The following IL13RA2 variants were observed in gnomAD, a reference collection of about 807,000 sequenced individuals.
IL13RA2 encodes interleukin 13 receptor subunit alpha 2, also known as interleukin-13 receptor subunit alpha-2.
In IL13RA2, 25 loss-of-function variants were observed where a neutral mutation model predicts 34.1. The ratio of observed to expected loss-of-function variants is 0.73; its 90% CI spans 0.53 to 1.03. The LOEUF (loss-of-function observed/expected upper bound fraction) is 1.03. IL13RA2 is among the 50% of genes least tolerant of loss of function. The pLI is 0.00. For synonymous variants in IL13RA2, 106 were observed against 100.4 expected, an observed-to-expected ratio of 1.06 and a Z score of -0.33; for missense variants, 297 against 280.9, an observed-to-expected ratio of 1.06 and a Z score of -0.41.
chrX:115,014,348 T>A, intron 4 of IL13RA2, 73 bp downstream of exon 4: 1 of 794,811 alleles, frequency 1.3e-6, no homozygotes, highest in Non-Finnish European at 1.8e-6. Context: ...GCCTGGTACA[T>A]AAGATTAAGG....
intron 7 of IL13RA2, among the ~76,000 whole-genome samples, chrX:115,009,099 C>G (rs1169065553): frequency 9.0e-6 from 1 of 111,437 alleles, no homozygotes; most frequent in Admixed American, 9.6e-5. Context: ...CAACCATTGC[C>G]TAATTCCCCA....
At chrX:115,012,779 A>AAC (rs1170986885) in intron 5 of IL13RA2, among the ~76,000 whole-genome samples, 7 of 86,776 alleles carry the variant, frequency 8.1e-5, no homozygotes, top group African/African-American at 2.8e-4. Context: ...CAAACAAACA[A>AAC]AAAAAAAAAC....
intron 2 of IL13RA2, 137 bp from the exon 3 acceptor site, chrX:115,015,958 T>C (rs1220196240): frequency 2.2e-6 from 1 of 459,355 alleles, no homozygotes; most frequent in African/African-American, 2.4e-5. Context: ...TCAAATATTA[T>C]TCAGCCATAA....
In IL13RA2 at chrX:115,017,207, G is replaced by T; in HGVS notation, c.63C>A (p.Gly21=). 1.0e-6 allele frequency: 1 copy of T among 959,189 alleles called. No individual in the cohort carries two copies. The highest frequency in any genetic ancestry group is 1.5e-6 in the Non-Finnish European group (1 of 670,088). The allele number at this position is 959,189 out of a possible 1,213,427, so 79.0% of individuals were successfully genotyped here. Residue 21 remains glycine, a synonymous_variant, in exon 2 of 10, where the codon GGC becomes GGA. Transcript: ENST00000243213. ...LYTFLISTTF[G]CTSSSDTEIK... is the part of the protein sequence containing the mutation. ...TCTCGGTGTCTGAAGATGAAGTACA[G>T]CCAAATGTTGTGCTTATCAGAAAGG...
intron 9 of IL13RA2, among the ~76,000 whole-genome samples, chrX:115,004,982 G>A (rs1381495913): frequency 1.8e-5 from 2 of 112,326 alleles, no homozygotes; most frequent in African/African-American, 6.5e-5. Flanking sequence ...GTTTGATTTC[G>A]ACAAAAGTAA....
In IL13RA2 at chrX:115,014,490, A is replaced by G. The variant is rs17095919; in HGVS notation, c.331T>C (p.Trp111Arg). The change falls in exon 4 of 10, where the codon TGG becomes CGG. Residue 111 changes from tryptophan (W) to arginine (R), a missense_variant. Transcript: ENST00000243213. ...ACTTCTGATCCATTTGTGCATTGCC[A>G]TGGTAAAAGCGTGTGTATCTTCGCT... ...IEAKIHTLLP[W>R]QCTNGSEVQS... is the part of the protein sequence containing the mutation. The G allele has an allele frequency of 2.1e-3, 2,533 of 1,191,933 alleles. 26 individuals carry two copies. The African/African-American group carries it at 0.032, about 15-fold the overall frequency.
At position 115,005,218 on chromosome X, in the gene IL13RA2, C is replaced by T. The variant is rs2071680460; in HGVS notation, c.1095G>A (p.Lys365=). 2 of 1,032,497 alleles carry T rather than the reference C, an allele frequency of 1.9e-6. 1 individual carries two copies. The highest frequency in any genetic ancestry group is 3.8e-5 in the South Asian group (2 of 53,219). The allele number at this position is 1,032,497 out of a possible 1,213,427, so 85.1% of individuals were successfully genotyped here. ...TTACCATTTTTGGGTAGGTGTTTGG[C>T]TTACGCAAAAGCAGACCGGTTACAA... ...VIFVTGLLLR[K]PNTYPKMIPE... is the part of the protein sequence containing the mutation. The change falls in exon 9 of 10, where the codon AAG becomes AAA. Residue 365 remains lysine, a synonymous_variant. Coordinates refer to ENST00000243213, the MANE Select transcript of IL13RA2 (RefSeq NM_000640.3).
chrX:115,005,042 AT>A, intron 9 of IL13RA2, 154 bp downstream of exon 9: 1 of 405,397 alleles, frequency 2.5e-6, no homozygotes, highest in Non-Finnish European at 4.3e-6. Flanking sequence ...AAATTGCTGT[AT>A]TTTCTGAAGA....
At chrX:115,005,167 G>A in intron 9 of IL13RA2, 30 bp downstream of exon 9, 1 of 661,949 alleles carries the variant, frequency 1.5e-6, no homozygotes, top group Non-Finnish European at 2.5e-6. Flanking sequence ...CCTATTCTCA[G>A]GCTAAACATC....
chrX:115,016,782 T>C lies in IL13RA2; in HGVS notation c.94+394A>G, dbSNP rs186570677. Among the ~76,000 whole-genome samples, 191 of 108,633 alleles carry C rather than the reference T, an allele frequency of 1.8e-3. 2 individuals are homozygous for C. The East Asian group carries it at 0.026, about 15-fold the overall frequency. The allele number at this position is 108,633 out of a possible 115,157, so 94.3% of individuals were successfully genotyped here. On this transcript the variant is annotated intron_variant, in intron 2 of 9. Coordinates refer to ENST00000243213, the MANE Select transcript of IL13RA2 (RefSeq NM_000640.3). Reference sequence around the variant, plus strand: ...ATTTTTAAATTTTACGTTAAATTTCTGTACCTTTTTAATGTATCTAATTGT... The same window carrying C: ...ATTTTTAAATTTTACGTTAAATTTCCGTACCTTTTTAATGTATCTAATTGT...
rs782165221 is a variant in IL13RA2, at chrX:115,017,238, A to G, written c.32T>C (p.Leu11Ser). The part of the protein sequence containing the change: MAFVCLAIGC[L>S]YTFLISTTFG... Reference sequence around the variant, plus strand: ...TGTTGTGCTTATCAGAAAGGTATATAAGCATCCGATAGCCAAGCAAACGAA... The same window carrying G: ...TGTTGTGCTTATCAGAAAGGTATATGAGCATCCGATAGCCAAGCAAACGAA... Residue 11 changes from leucine to serine, a missense_variant, in exon 2 of 10, where the codon TTA becomes TCA. Coordinates refer to ENST00000243213, the MANE Select transcript of IL13RA2 (RefSeq NM_000640.3). 4 of 1,009,861 alleles carry G rather than the reference A, an allele frequency of 4.0e-6. No individual in the cohort carries two copies. Among genetic ancestry groups the G allele is most frequent in the African/African-American group, 1.9e-5 (1 of 53,093 alleles). The allele number at this position is 1,009,861 out of a possible 1,213,427, so 83.2% of individuals were successfully genotyped here.
Position 115,009,451 on chromosome X carries a change from G to C in IL13RA2, c.852+70C>G, listed in dbSNP as rs200818277. The stretch of plus-strand genomic sequence containing the variant: ...CCTCACGTGGATGCAACTGATTTTG[G>C]TTCTCACATTTGCTATTTTATTTAA... On this transcript the variant is annotated intron_variant, in intron 7 of 9. Coordinates refer to ENST00000243213, the MANE Select transcript of IL13RA2 (RefSeq NM_000640.3). 1,384 of 891,398 alleles carry C rather than the reference G, an allele frequency of 1.6e-3. 3 individuals are homozygous for C. Among genetic ancestry groups the C allele is most frequent in the Non-Finnish European group, 2.1e-3 (1,320 of 618,014 alleles). The allele number at this position is 891,398 out of a possible 1,213,427, so 73.5% of individuals were successfully genotyped here.
intron 3 of IL13RA2, among the ~76,000 whole-genome samples, chrX:115,015,439 T>TTTTTTG (rs1262899541): frequency 9.0e-5 from 10 of 111,072 alleles, no homozygotes; most frequent in Non-Finnish European, 1.9e-4. Context: ...CGAGACCGAG[T>TTTTTTG]TTTTTGTTTT....
Position 115,017,220 on chromosome X carries a change from C to T in IL13RA2, c.50G>A (p.Ser17Asn), listed in dbSNP as rs1556510364. The change falls in exon 2 of 10, where the codon AGC becomes AAC. Residue 17 changes from serine (S) to asparagine (N), a missense_variant. By Grantham distance (46) the Ser-to-Asn change is conservative. Transcript: ENST00000243213. The part of the protein sequence containing the change: ...AIGCLYTFLI[S>N]TTFGCTSSSD... Reference sequence around the variant, plus strand: ...AGATGAAGTACAGCCAAATGTTGTGCTTATCAGAAAGGTATATAAGCATCC... The same window carrying T: ...AGATGAAGTACAGCCAAATGTTGTGTTTATCAGAAAGGTATATAAGCATCC... The T allele has an allele frequency of 9.7e-7, 1 of 1,035,415 alleles. No individual in the cohort carries two copies. The highest frequency in any genetic ancestry group is 1.4e-6 in the Non-Finnish European group (1 of 737,990). 85.3% of individuals were successfully genotyped at this position (1,035,415 alleles called of 1,213,427 possible).
intron 8 of IL13RA2, among the ~76,000 whole-genome samples, chrX:115,005,911 A>T (rs2071683456): frequency 8.9e-6 from 1 of 112,111 alleles, no homozygotes; most frequent in African/African-American, 3.2e-5. Context: ...CATAGCAAGA[A>T]ATGAGCAATC....
chrX:115,015,626 C>T (rs1331620800), intron 3 of IL13RA2, 44 bp downstream of exon 3: 3 of 1,097,887 alleles, frequency 2.7e-6, no homozygotes, highest in Non-Finnish European at 3.8e-6. Context: ...CACAAAGTAA[C>T]ACCTGATGAT....
chrX:115,013,856 C>T lies in IL13RA2; in HGVS notation c.434G>A (p.Cys145Tyr), dbSNP rs782363407. Residue 145 changes from cysteine to tyrosine, a missense_variant, in exon 5 of 10, where the codon TGC becomes TAC. By Grantham distance (194) the Cys-to-Tyr change is radical. Coordinates refer to ENST00000243213, the MANE Select transcript of IL13RA2 (RefSeq NM_000640.3). The part of the protein sequence containing the change: ...IPETKVQDMD[C>Y]VYYNWQYLLC... ...TAAATATTGCCAATTGTAATATACGCAATCCATATCCTGAACTTTAGTTTC... is the reference window on the plus strand; with the variant it reads ...TAAATATTGCCAATTGTAATATACGTAATCCATATCCTGAACTTTAGTTTC... 3 of 1,011,418 alleles carry T rather than the reference C, an allele frequency of 3.0e-6. No homozygotes were observed. Among genetic ancestry groups the T allele is most frequent in the Non-Finnish European group, 4.2e-6 (3 of 714,785 alleles). The allele number at this position is 1,011,418 out of a possible 1,213,427, so 83.4% of individuals were successfully genotyped here. A position where few individuals can be genotyped will look rare whatever the true frequency, so the allele number is the denominator to read the frequency against.
rs782298583 is a variant in IL13RA2 at position 115,008,942 on chromosome X, T to A, written c.852+579A>T. Among the ~76,000 whole-genome samples, 3 of 111,929 alleles carry A rather than the reference T, an allele frequency of 2.7e-5. No homozygotes were observed. The South Asian group carries it at 1.1e-3, about 42-fold the overall frequency. Reference sequence around the variant, plus strand: ...TCAACAACCAGTTTTCTTATCTGTATATGAAAGGAATGAATTAGAACTACT... The same window carrying A: ...TCAACAACCAGTTTTCTTATCTGTAAATGAAAGGAATGAATTAGAACTACT... On this transcript the variant is annotated intron_variant, in intron 7 of 9. Transcript: ENST00000243213.
In IL13RA2 at chrX:115,005,268, C is replaced by T. The variant is rs138329093; in HGVS notation, c.1045G>A (p.Gly349Ser). ...AATATAACTAATATTAAGATGAAAC[C>T]AAATGGTAGCCAGAAACGTAGCAAA... ...KTLLRFWLPF[G>S]FILILVIFVT... Residue 349 changes from glycine to serine, a missense_variant, in exon 9 of 10, where the codon GGT becomes AGT. Coordinates refer to ENST00000243213, the MANE Select transcript of IL13RA2 (RefSeq NM_000640.3). 3 of 1,145,864 alleles carry T rather than the reference C, an allele frequency of 2.6e-6. No homozygotes were observed. Among genetic ancestry groups the T allele is most frequent in the African/African-American group, 3.6e-5 (2 of 56,261 alleles). 94.4% of individuals were successfully genotyped at this position (1,145,864 alleles called of 1,213,427 possible).
Sources: gnomAD v4.1 joint callset for allele counts (sites outside exome capture counted in the v4.1 genomes callset) on GRCh38, gnomAD v4.1.1 for gene constraint, MANE v1.5 for transcripts, NCBI Gene and HGNC (gene_info 2026-07-23, HGNC 2026-07-21) for gene names.